ZNF385D: variants seen among roughly 807,000 people sequenced by gnomAD.
ZNF385D encodes zinc finger protein 659.
ZNF385D carries 15 observed loss-of-function variants against 35.8 expected under a neutral mutation model. The observed-to-expected ratio is 0.42, with a 90% CI of 0.28 to 0.64. ZNF385D has a LOEUF of 0.64. Ranked by LOEUF, ZNF385D falls within the 30% of genes least tolerant of loss-of-function variation. The pLI is 0.23. For synonymous variants in ZNF385D, 212 were observed against 186.8 expected, an observed-to-expected ratio of 1.13 and a Z score of -1.10; for missense variants, 474 against 494.6, an observed-to-expected ratio of 0.96 and a Z score of 0.39.
chr3:22,175,929 A>G (rs1046689011), intron 2 of ZNF385D, among the ~76,000 whole-genome samples: 1 of 149,196 alleles, frequency 6.7e-6, no homozygotes, highest in African/African-American at 2.4e-5. Flanking sequence ...TATAATATAT[A>G]AAATCATATT....
intron 3 of ZNF385D, among the ~76,000 whole-genome samples, chr3:22,157,684 C>A (rs1387521629): frequency 1.3e-5 from 2 of 152,092 alleles, no homozygotes; most frequent in African/African-American, 4.8e-5. Flanking sequence ...TACTGAGTCA[C>A]TGAAATAAAA....
chr3:21,455,756 A>C (rs1702766881), intron 4 of ZNF385D, among the ~76,000 whole-genome samples: 1 of 152,188 alleles, frequency 6.6e-6, no homozygotes, highest in African/African-American at 2.4e-5. Flanking sequence ...AATTAAACTA[A>C]AGAGCTTCTG....
At chr3:22,001,019 G>A (rs9834074) in intron 3 of ZNF385D, among the ~76,000 whole-genome samples, 55 of 151,762 alleles carry the variant, frequency 3.6e-4, no homozygotes, top group Admixed American at 2.8e-3. Context: ...GGAATCAAAG[G>A]TTACTGAATG....
At chr3:22,022,902 C>T (rs1268489980) in intron 3 of ZNF385D, among the ~76,000 whole-genome samples, 2 of 152,050 alleles carry the variant, frequency 1.3e-5, no homozygotes, top group Admixed American at 6.6e-5. Context: ...ACTTATTTAG[C>T]ACGGAAGGCA....
intron 3 of ZNF385D, among the ~76,000 whole-genome samples, chr3:21,885,818 A>G (rs1374140423): frequency 6.6e-6 from 1 of 151,620 alleles, no homozygotes. Context: ...AAATTGGCTC[A>G]CACAACTGTG....
At chr3:21,862,951 T>C (rs1406581936) in intron 3 of ZNF385D, among the ~76,000 whole-genome samples, 3 of 152,160 alleles carry the variant, frequency 2.0e-5, no homozygotes, top group African/African-American at 7.2e-5. Flanking sequence ...CCACTTGATT[T>C]AGTCTGAAAA....
chr3:22,130,829 TTGTTCAATTTGA>T (rs1703742982), intron 3 of ZNF385D, among the ~76,000 whole-genome samples: 1 of 152,150 alleles, frequency 6.6e-6, no homozygotes, highest in African/African-American at 2.4e-5. Context: ...CTGTGGATAG[TTGTTCAATTTGA>T]TGTTCCTTTG....
At chr3:21,535,057 T>C (rs1196871602) in intron 3 of ZNF385D, among the ~76,000 whole-genome samples, 3 of 152,124 alleles carry the variant, frequency 2.0e-5, no homozygotes, top group Non-Finnish European at 4.4e-5. Flanking sequence ...AGGAATATAA[T>C]ATCTTCTTAG....
chr3:21,582,691 A>G (rs1313184028), intron 2 of ZNF385D, among the ~76,000 whole-genome samples: 1 of 152,224 alleles, frequency 6.6e-6, no homozygotes, highest in Admixed American at 6.5e-5. Flanking sequence ...AAGCTAAGCC[A>G]GCACCACAGA....
intron 2 of ZNF385D, among the ~76,000 whole-genome samples, chr3:21,603,357 T>C (rs576133922): frequency 4.2e-4 from 63 of 150,140 alleles, no homozygotes; most frequent in African/African-American, 1.6e-3. Context: ...AAGTTAAAAG[T>C]GTGTCCCTTC....
intron 1 of ZNF385D, among the ~76,000 whole-genome samples, chr3:21,727,117 A>G (rs2068797493): frequency 6.6e-6 from 1 of 152,350 alleles, no homozygotes; most frequent in South Asian, 2.1e-4. Flanking sequence ...CTGGCTAGCT[A>G]TATGCAGAAA....
At chr3:22,207,194 A>T (rs540521967) in intron 2 of ZNF385D, among the ~76,000 whole-genome samples, 53 of 152,036 alleles carry the variant, frequency 3.5e-4, no homozygotes, top group Non-Finnish European at 5.9e-4. Flanking sequence ...ACCTACCAAG[A>T]TTGTATGCAG....
chr3:21,799,565 T>G (rs538415024), intron 3 of ZNF385D, among the ~76,000 whole-genome samples: 1 of 152,166 alleles, frequency 6.6e-6, no homozygotes, highest in Non-Finnish European at 1.5e-5. Context: ...CATTTATATA[T>G]CTTCTTTGGA....
At chr3:21,541,033 G>A (rs911747820) in intron 3 of ZNF385D, among the ~76,000 whole-genome samples, 9 of 152,216 alleles carry the variant, frequency 5.9e-5, no homozygotes, top group Non-Finnish European at 1.3e-4. Context: ...ATCTGGGCCA[G>A]TGTTGGGTGT....
chr3:22,181,821 C>T (rs187673989), intron 2 of ZNF385D, among the ~76,000 whole-genome samples: 14 of 152,164 alleles, frequency 9.2e-5, no homozygotes, highest in African/African-American at 3.4e-4. Context: ...AAGCAAGCTG[C>T]CAAAGCTTTT....
intron 3 of ZNF385D, among the ~76,000 whole-genome samples, chr3:21,806,432 C>G (rs1434501382): frequency 6.6e-6 from 1 of 152,030 alleles, no homozygotes; most frequent in Non-Finnish European, 1.5e-5. Context: ...GTCTCGATCT[C>G]CTGACCTCGT....
chr3:21,596,829 A>T (rs1421418202), intron 2 of ZNF385D, among the ~76,000 whole-genome samples: 1 of 152,038 alleles, frequency 6.6e-6, no homozygotes, highest in Non-Finnish European at 1.5e-5. Flanking sequence ...GGTGACTGCC[A>T]TACCTATGTT....
chr3:22,119,948 C>T (rs757292053), intron 3 of ZNF385D, among the ~76,000 whole-genome samples: 2 of 151,538 alleles, frequency 1.3e-5, no homozygotes, highest in Non-Finnish European at 2.9e-5. Context: ...TCCCAAGTAG[C>T]TGGGACCACA....
chr3:21,502,287 C>T (rs1307656618), intron 4 of ZNF385D, among the ~76,000 whole-genome samples: 4 of 152,164 alleles, frequency 2.6e-5, no homozygotes, highest in South Asian at 4.1e-4. Flanking sequence ...CCTATTCTTT[C>T]GAGGGTCCAT....
Sources: allele counts gnomAD v4.1 joint callset (sites outside exome capture counted in the v4.1 genomes callset), GRCh38; gene constraint gnomAD v4.1.1; transcripts MANE v1.5; gene names NCBI Gene and HGNC (gene_info 2026-07-23, HGNC 2026-07-21).